Variants in SH3KBP1 observed in about 807,000 individuals in gnomAD.
SH3KBP1 encodes the protein SH3 domain containing kinase binding protein 1.
SH3KBP1 carries 8 observed loss-of-function variants against 50.1 expected under a neutral mutation model. The ratio of observed to expected loss-of-function variants is 0.16; its 90% CI spans 0.09 to 0.29. SH3KBP1 has a LOEUF of 0.29. SH3KBP1 is among the 10% of genes least tolerant of loss of function. The pLI is 1.00. For missense variants in SH3KBP1, 377 were observed against 535.2 expected, an observed-to-expected ratio of 0.70 and a Z score of 2.92; for synonymous variants, 227 against 218.6, an observed-to-expected ratio of 1.04 and a Z score of -0.34.
chrX:19,585,442 G>A (rs2066533503), intron 12 of SH3KBP1, among the ~76,000 whole-genome samples: 1 of 111,857 alleles, frequency 8.9e-6, no homozygotes, highest in African/African-American at 3.3e-5. Flanking sequence ...GTCCGGGGGT[G>A]TTTGCATCCC....
At chrX:19,653,975 C>T (rs2062205728) in intron 6 of SH3KBP1, among the ~76,000 whole-genome samples, 1 of 110,955 alleles carries the variant, frequency 9.0e-6, no homozygotes, top group African/African-American at 3.3e-5. Flanking sequence ...CACCTGGTCC[C>T]ATCTTAGATT....
chrX:19,634,024 G>T (rs1011046512), intron 7 of SH3KBP1, among the ~76,000 whole-genome samples: 1 of 98,562 alleles, frequency 1.0e-5, no homozygotes, highest in African/African-American at 3.7e-5. Flanking sequence ...GTTAGATTTT[G>T]TTCCCTGGTG....
intron 6 of SH3KBP1, among the ~76,000 whole-genome samples, chrX:19,669,987 T>A (rs1437040906): frequency 9.1e-6 from 1 of 110,036 alleles, no homozygotes; most frequent in East Asian, 2.8e-4. Flanking sequence ...ATTCTCCCCT[T>A]AAAATTTTTT....
intron 2 of SH3KBP1, among the ~76,000 whole-genome samples, chrX:19,760,213 T>C (rs780196831): frequency 9.3e-6 from 1 of 108,067 alleles, no homozygotes; most frequent in East Asian, 2.9e-4. Context: ...CAGTGAAACC[T>C]TGTCTCTACT....
At chrX:19,710,610 T>C (rs2063754881) in intron 3 of SH3KBP1, among the ~76,000 whole-genome samples, 2 of 111,770 alleles carry the variant, frequency 1.8e-5, no homozygotes, top group Admixed American at 1.9e-4. Flanking sequence ...AGTGTTTTAT[T>C]ATTATTTATT....
rs141536813 is a variant in SH3KBP1, at chrX:19,738,496, G to A, written c.286+7822C>T. 1.8e-3 allele frequency among the ~76,000 whole-genome samples: 194 copies of A among 109,441 alleles called. 4 individuals are homozygous for A. The East Asian group carries it at 0.043, about 24-fold the overall frequency. On this transcript the variant is annotated intron_variant, in intron 3 of 17. Coordinates refer to ENST00000397821, the MANE Select transcript of SH3KBP1 (RefSeq NM_031892.3). ...TCCAACTCAGGCCTTGTGAAAATAA[G>A]CACCATATACAATGGTGCAATGTGA...
intron 1 of SH3KBP1, among the ~76,000 whole-genome samples, chrX:19,845,624 T>C (rs748516147): frequency 3.6e-5 from 4 of 110,439 alleles, no homozygotes; most frequent in Non-Finnish European, 7.6e-5. Context: ...CATTTTTTTT[T>C]TCTTGAGATG....
At chrX:19,572,421 T>C (rs943585883) in intron 12 of SH3KBP1, among the ~76,000 whole-genome samples, 9 of 106,821 alleles carry the variant, frequency 8.4e-5, no homozygotes, top group Non-Finnish European at 1.1e-4. Context: ...ATACATGTTA[T>C]ATAGTACATA....
chrX:19,795,839 A>G (rs2066693146), intron 2 of SH3KBP1, among the ~76,000 whole-genome samples: 1 of 112,033 alleles, frequency 8.9e-6, no homozygotes, highest in Admixed American at 9.5e-5. Context: ...GTTTGTAAAA[A>G]TTCAACAGCC....
chrX:19,604,429 T>C (rs1473081161), intron 9 of SH3KBP1, among the ~76,000 whole-genome samples: 2 of 111,754 alleles, frequency 1.8e-5, no homozygotes, highest in African/African-American at 3.3e-5. Flanking sequence ...GCAGAAAATA[T>C]GTCAGCCTTA....
chrX:19,588,528 T>C (rs1370289154), intron 12 of SH3KBP1, 115 bp downstream of exon 12: 2 of 1,210,552 alleles, frequency 1.7e-6, no homozygotes, highest in South Asian at 1.8e-5. Context: ...AGAGGGAAGC[T>C]TGAGCACCCC....
At chrX:19,764,014 C>CA (rs761696272) in intron 2 of SH3KBP1, among the ~76,000 whole-genome samples, 2,690 of 37,275 alleles carry the variant, frequency 0.072, 117 homozygotes, top group African/African-American at 0.13. Flanking sequence ...GACTCTGTCT[C>CA]AAAAAAAAAA....
At chrX:19,790,939 T>C (rs187919026) in intron 2 of SH3KBP1, among the ~76,000 whole-genome samples, 1 of 111,158 alleles carries the variant, frequency 9.0e-6, no homozygotes, top group African/African-American at 3.3e-5. Flanking sequence ...AAGTTGTCTA[T>C]CTGGGTATTG....
chrX:19,785,304 G>A (rs2066306381), intron 2 of SH3KBP1, among the ~76,000 whole-genome samples: 1 of 108,363 alleles, frequency 9.2e-6, no homozygotes, highest in Non-Finnish European at 1.9e-5. Flanking sequence ...GACTGCTTGA[G>A]CCCAGGAGTT....
intron 2 of SH3KBP1, among the ~76,000 whole-genome samples, chrX:19,754,966 T>G (rs2065167756): frequency 8.9e-6 from 1 of 112,638 alleles, no homozygotes; most frequent in African/African-American, 3.2e-5. Context: ...ATTTAAAAAC[T>G]AAACCTTTAA....
intron 3 of SH3KBP1, among the ~76,000 whole-genome samples, chrX:19,725,989 G>A (rs1298043067): frequency 8.9e-6 from 1 of 112,056 alleles, no homozygotes; most frequent in Admixed American, 9.5e-5. Flanking sequence ...TGGACATGAA[G>A]GCAGCAAGGA....
intron 5 of SH3KBP1, 79 bp from the exon 6 acceptor site, chrX:19,684,107 G>A: frequency 1.3e-6 from 1 of 793,981 alleles, no homozygotes; most frequent in Non-Finnish European, 1.9e-6. Context: ...AACCAGCCAG[G>A]AACCACCTCT....
Position 19,588,340 on chromosome X carries a change from G to A in SH3KBP1, c.1298+303C>T, listed in dbSNP as rs977672035. The stretch of plus-strand genomic sequence containing the variant: ...GCATTTCCAGGCTGAAGGGCAGTTG[G>A]CCTTGCTTCTAATAAGGCCCAGGAA... On this transcript the variant is annotated intron_variant, in intron 12 of 17. Transcript: ENST00000397821. The A allele has an allele frequency of 2.0e-5, 21 of 1,068,781 alleles. No individual in the cohort carries two copies. In the East Asian group the frequency reaches 2.7e-4, roughly 14 times the overall value. The allele number at this position is 1,068,781 out of a possible 1,213,427, so 88.1% of individuals were successfully genotyped here. A position where few individuals can be genotyped will look rare whatever the true frequency, so the allele number is the denominator to read the frequency against.
chrX:19,542,038 C>A lies in SH3KBP1; in HGVS notation c.1779G>T (p.Thr593=). The change falls in exon 16 of 18, where the codon ACG becomes ACT. Residue 593 remains threonine, a synonymous_variant. Transcript: ENST00000397821. The part of the protein sequence containing the change: ...HRANSPSLFG[T]EGKPKMEPAA... Reference sequence around the variant, plus strand: ...CAGGCTCCATCTTTGGTTTTCCTTCCGTGCCGAACAGAGACGGGGAGTTGG... The same window carrying A: ...CAGGCTCCATCTTTGGTTTTCCTTCAGTGCCGAACAGAGACGGGGAGTTGG... 3 of 1,211,997 alleles carry A rather than the reference C, an allele frequency of 2.5e-6. No individual in the cohort carries two copies. The highest frequency in any genetic ancestry group is 2.2e-6 in the Non-Finnish European group (2 of 895,544).
Sources: allele counts gnomAD v4.1 joint callset (sites outside exome capture counted in the v4.1 genomes callset), GRCh38; gene constraint gnomAD v4.1.1; transcripts MANE v1.5; gene names NCBI Gene and HGNC (gene_info 2026-07-23, HGNC 2026-07-21).